ACOT12: variants seen among roughly 807,000 people sequenced by gnomAD.
ACOT12 encodes acyl-CoA thioesterase 12, also known as acetyl-coenzyme A thioesterase.
ACOT12 carries 51 observed loss-of-function variants against 67.7 expected under a neutral mutation model. The ratio of observed to expected loss-of-function variants is 0.75; its 90% CI spans 0.60 to 0.95. The LOEUF (loss-of-function observed/expected upper bound fraction) is 0.95. Ranked by LOEUF, ACOT12 falls within the 40% of genes least tolerant of loss-of-function variation. ACOT12 has a pLI of 0.00. For missense variants in ACOT12, 734 were observed against 708.1 expected (o/e 1.04, Z -0.41); for synonymous variants, 251 against 244.6 (o/e 1.03, Z -0.24).
chr5:81,351,430 G>A (rs572815086), intron 5 of ACOT12, among the ~76,000 whole-genome samples: 52 of 152,236 alleles, frequency 3.4e-4, no homozygotes, highest in African/African-American at 1.2e-3. Flanking sequence ...AACAGAACTG[G>A]GAACCCAGAA....
At chr5:81,361,156 T>C (rs556123747) in intron 4 of ACOT12, among the ~76,000 whole-genome samples, 7 of 150,522 alleles carry the variant, frequency 4.7e-5, no homozygotes, top group Non-Finnish European at 7.4e-5. Flanking sequence ...AAAACTGCCC[T>C]GGACTACCTT....
At chr5:81,372,049 A>G (rs1010558315) in intron 2 of ACOT12, among the ~76,000 whole-genome samples, 4 of 152,314 alleles carry the variant, frequency 2.6e-5, no homozygotes, top group Middle Eastern at 3.4e-3. Flanking sequence ...CAGAAAAGAG[A>G]CTTTGCAGAG....
chr5:81,391,056 C>G (rs182337190), intron 1 of ACOT12, among the ~76,000 whole-genome samples: 1 of 152,270 alleles, frequency 6.6e-6, no homozygotes, highest in Non-Finnish European at 1.5e-5. Flanking sequence ...GTTAACCTGA[C>G]CAAACCAAAA....
intron 11 of ACOT12, among the ~76,000 whole-genome samples, chr5:81,338,962 T>C (rs913110261): frequency 7.9e-5 from 12 of 152,132 alleles, no homozygotes; most frequent in African/African-American, 2.7e-4. Context: ...ATGCCTGTAG[T>C]CCCAGCTACT....
intron 2 of ACOT12, among the ~76,000 whole-genome samples, chr5:81,380,563 G>GAAAAAAA (rs1400854438): frequency 2.4e-4 from 6 of 24,994 alleles, no homozygotes; most frequent in African/African-American, 8.9e-4. Flanking sequence ...GACTGTCTTA[G>GAAAAAAA]AAAAAAAAAA....
intron 1 of ACOT12, among the ~76,000 whole-genome samples, chr5:81,388,866 G>A (rs1335480654): frequency 6.6e-6 from 1 of 152,150 alleles, no homozygotes; most frequent in Non-Finnish European, 1.5e-5. Context: ...CTCACGAGAT[G>A]TGATGGTTTT....
intron 1 of ACOT12, among the ~76,000 whole-genome samples, chr5:81,386,145 T>A (rs1760720052): frequency 6.6e-6 from 1 of 152,244 alleles, no homozygotes; most frequent in South Asian, 2.1e-4. Flanking sequence ...GTGCTGACTT[T>A]AAATATTTTA....
intron 5 of ACOT12, among the ~76,000 whole-genome samples, chr5:81,356,188 C>G (rs539581435): frequency 1.3e-5 from 2 of 152,300 alleles, no homozygotes; most frequent in Admixed American, 1.3e-4. Flanking sequence ...TAAGGTCATC[C>G]AAGTGTCTCC....
intron 5 of ACOT12, among the ~76,000 whole-genome samples, chr5:81,354,046 T>C (rs923057255): frequency 2.0e-5 from 3 of 152,198 alleles, no homozygotes; most frequent in African/African-American, 7.2e-5. Context: ...ATGAATTGCT[T>C]TTAAGTTCTC....
intron 11 of ACOT12, among the ~76,000 whole-genome samples, chr5:81,341,835 C>G (rs1759202513): frequency 6.6e-6 from 1 of 152,092 alleles, no homozygotes; most frequent in Non-Finnish European, 1.5e-5. Context: ...ACAAAGAAGT[C>G]CAGACAAGGC....
At position 81,348,576 on chromosome 5, in the gene ACOT12, C is replaced by CT. The variant is rs201834074; in HGVS notation, c.497-647dup. Among the ~76,000 whole-genome samples, 1,356 of 151,450 alleles carry CT rather than the reference C, an allele frequency of 9.0e-3. 14 individuals are homozygous for CT. Among genetic ancestry groups the CT allele is most frequent in the African/African-American group, 0.031 (1,290 of 41,296 alleles). The stretch of plus-strand genomic sequence containing the variant: ...ACTTCTTCATGTCCTTCTGCTCTCT[C>CT]TTTTTTTTTAGACAGTCTCACTCTG... On this transcript the variant is annotated intron_variant, in intron 5 of 14. Transcript: ENST00000307624.
At chr5:81,332,933 G>A (rs1053312039) in intron 12 of ACOT12, among the ~76,000 whole-genome samples, 1 of 151,962 alleles carries the variant, frequency 6.6e-6, no homozygotes, top group African/African-American at 2.4e-5. Context: ...TTTGAGTGTG[G>A]TGGTGCATGC....
At chr5:81,314,635 A>G in the ACOT12 span, among the ~76,000 whole-genome samples, 3 of 152,216 alleles carry the variant, frequency 2.0e-5, no homozygotes, top group South Asian at 2.1e-4. Flanking sequence ...TTCATCTTAT[A>G]TATTTCCCAA....
chr5:81,362,073 T>C (rs913648847), intron 4 of ACOT12, among the ~76,000 whole-genome samples: 4 of 152,226 alleles, frequency 2.6e-5, no homozygotes, highest in African/African-American at 9.6e-5. Context: ...CAACCAATTA[T>C]GTTAGCACCA....
chr5:81,330,656 G>T (rs1758788224), intron 14 of ACOT12, 113 bp from the exon 15 acceptor site: 28 of 1,473,774 alleles, frequency 1.9e-5, no homozygotes, highest in Non-Finnish European at 2.6e-5. Context: ...TCTTCTGGGG[G>T]ACCTTCTGGA....
downstream of ACOT12, among the ~76,000 whole-genome samples, chr5:81,329,299 C>A (rs182365505): frequency 1.1e-3 from 167 of 152,242 alleles, 1 homozygote; most frequent in African/African-American, 3.9e-3. Flanking sequence ...TAAAAATATT[C>A]TCAAAACCAT....
At chr5:81,310,506 G>A in the ACOT12 span, among the ~76,000 whole-genome samples, 1 of 152,034 alleles carries the variant, frequency 6.6e-6, no homozygotes, top group African/African-American at 2.4e-5. Context: ...AGCCAGATTT[G>A]TATCTGATTA....
intron 10 of ACOT12, among the ~76,000 whole-genome samples, chr5:81,343,458 A>G (rs1759269659): frequency 6.6e-6 from 1 of 152,198 alleles, no homozygotes; most frequent in Non-Finnish European, 1.5e-5. Context: ...TTTACATTTA[A>G]TGGTTAAAAA....
At chr5:81,393,006 GT>G (rs1233606154) in intron 1 of ACOT12, among the ~76,000 whole-genome samples, 1 of 152,210 alleles carries the variant, frequency 6.6e-6, no homozygotes, top group African/African-American at 2.4e-5. Context: ...TCCAAATAGA[GT>G]CACACCAGGG....
Sources: gnomAD v4.1 joint callset for allele counts (sites outside exome capture counted in the v4.1 genomes callset) on GRCh38, gnomAD v4.1.1 for gene constraint, MANE v1.5 for transcripts, NCBI Gene and HGNC (gene_info 2026-07-23, HGNC 2026-07-21) for gene names.